Variants in KCNN2 observed in about 807,000 individuals in gnomAD.
The protein encoded by KCNN2 is potassium calcium-activated channel subfamily N member 2, also known as small conductance calcium-activated potassium channel protein 2.
KCNN2 carries 24 observed loss-of-function variants against 55.5 expected under a neutral mutation model. That is an observed-to-expected ratio of 0.43 (90% CI 0.31 to 0.61). The LOEUF (loss-of-function observed/expected upper bound fraction) is 0.61, where lower values mean the gene tolerates loss of function less well. KCNN2 is among the 20% of genes least tolerant of loss of function. The pLI, the probability that KCNN2 is intolerant of heterozygous loss-of-function variation, is 0.08. For missense variants in KCNN2, 754 were observed against 853.6 expected (o/e 0.88, Z 1.45); for synonymous variants, 431 against 336.1 (o/e 1.28, Z -3.09).
At chr5:114,490,557 A>G (rs1408895587) in intron 6 of KCNN2, 6 of 394,796 alleles carry the variant, frequency 1.5e-5, no homozygotes, top group South Asian at 1.4e-4. Flanking sequence ...CTGCAGAACC[A>G]TAACAGGATC....
intron 2 of KCNN2, among the ~76,000 whole-genome samples, chr5:114,243,844 C>T (rs1754693850): frequency 6.6e-6 from 1 of 152,174 alleles, no homozygotes; most frequent in African/African-American, 2.4e-5. Context: ...AAGCAGGTTT[C>T]ACTTTGGGTA....
At chr5:114,318,123 T>C (rs1346854597) in intron 2 of KCNN2, among the ~76,000 whole-genome samples, 1 of 152,236 alleles carries the variant, frequency 6.6e-6, no homozygotes, top group East Asian at 1.9e-4. Flanking sequence ...ACTCATCTCC[T>C]GTCTGCTCTT....
At chr5:114,488,391 T>C (rs4705670) in intron 6 of KCNN2, among the ~76,000 whole-genome samples, 134,519 of 152,110 alleles carry the variant, frequency 0.88, 60,458 homozygotes, top group East Asian at 0.96. Flanking sequence ...ACTTGACACA[T>C]CACTATGCTT....
intron 2 of KCNN2, among the ~76,000 whole-genome samples, chr5:114,332,993 C>T (rs1008820667): frequency 6.6e-6 from 1 of 152,168 alleles, no homozygotes; most frequent in Non-Finnish European, 1.5e-5. Flanking sequence ...AATACCTGGT[C>T]TCGCCTCACA....
At chr5:114,075,374 C>T (rs867775866) in intron 1 of KCNN2, among the ~76,000 whole-genome samples, 5 of 152,092 alleles carry the variant, frequency 3.3e-5, no homozygotes, top group South Asian at 2.1e-4. Flanking sequence ...GGAAGGAATC[C>T]GAAAGGTTAA....
At chr5:114,274,321 C>T (rs1012638500) in intron 2 of KCNN2, among the ~76,000 whole-genome samples, 2 of 131,786 alleles carry the variant, frequency 1.5e-5, no homozygotes, top group Non-Finnish European at 3.2e-5. Context: ...GCTATGTGGA[C>T]TCTTTCTGGC....
At chr5:114,187,477 A>AT (rs1369468583) in intron 1 of KCNN2, among the ~76,000 whole-genome samples, 1 of 148,700 alleles carries the variant, frequency 6.7e-6, no homozygotes, top group African/African-American at 2.5e-5. Context: ...TCCAAGGGCT[A>AT]TTAATATGTA....
chr5:114,306,220 C>T (rs960761152), intron 2 of KCNN2, among the ~76,000 whole-genome samples: 2 of 152,152 alleles, frequency 1.3e-5, no homozygotes, highest in African/African-American at 4.8e-5. Flanking sequence ...TAGCATTCAC[C>T]AGATCTGCCT....
chr5:114,408,186 C>T (rs1347916541), intron 3 of KCNN2, among the ~76,000 whole-genome samples: 3 of 150,424 alleles, frequency 2.0e-5, no homozygotes, highest in Non-Finnish European at 2.9e-5. Flanking sequence ...GGCCACCTGT[C>T]GACTGGCTTT....
At chr5:114,389,007 G>T (rs1758368224) in intron 2 of KCNN2, among the ~76,000 whole-genome samples, 1 of 151,978 alleles carries the variant, frequency 6.6e-6, no homozygotes, top group African/African-American at 2.4e-5. Context: ...TGGTAATTGA[G>T]GTGTGCAAGA....
intron 3 of KCNN2, among the ~76,000 whole-genome samples, chr5:114,432,849 G>C (rs529252455): frequency 7.5e-4 from 114 of 152,308 alleles, no homozygotes; most frequent in African/African-American, 2.6e-3. Context: ...TGGTTGTACT[G>C]GGTCCCCCAG....
chr5:114,208,860 C>G (rs1753823331), intron 1 of KCNN2, among the ~76,000 whole-genome samples: 1 of 152,150 alleles, frequency 6.6e-6, no homozygotes, highest in African/African-American at 2.4e-5. Context: ...CTTACATGAC[C>G]TCTCAACAAC....
In KCNN2 at chr5:114,363,053, G is replaced by A. The variant is rs755572408; in HGVS notation, c.914G>A (p.Gly305Asp). 6.2e-7 allele frequency: 1 copy of A among 1,607,244 alleles called. No homozygotes were observed. Among genetic ancestry groups the A allele is most frequent in the Non-Finnish European group, 8.5e-7 (1 of 1,178,540 alleles). ...GGCGGCGGAGGCAGCACTGGAGGAG[G>A]CGGCGGCGGTGGCGGGAGCGGGCAC... ...GTGGGGSTGG[G>D]GGGGGSGHGS... Residue 305 changes from glycine (G) to aspartate (D), a missense_variant, in exon 1 of 8, where the codon GGC becomes GAC. Physicochemically the swap from Gly to Asp is moderately conservative, Grantham distance 94. Coordinates refer to ENST00000673685, the MANE Select transcript of KCNN2 (RefSeq NM_021614.4).
intron 3 of KCNN2, among the ~76,000 whole-genome samples, chr5:114,429,678 C>T (rs868361842): frequency 2.0e-5 from 3 of 151,876 alleles, no homozygotes; most frequent in African/African-American, 7.3e-5. Flanking sequence ...TCTTGGCAAA[C>T]CCAAGTTTAC....
chr5:114,450,521 G>A (rs1181467295), intron 3 of KCNN2, among the ~76,000 whole-genome samples: 1 of 152,196 alleles, frequency 6.6e-6, no homozygotes, highest in African/African-American at 2.4e-5. Context: ...TCTGGATTTT[G>A]ATATTTTTTG....
chr5:114,139,899 AT>A lies in KCNN2; in HGVS notation c.-270-81572del, dbSNP rs796931557. Among the ~76,000 whole-genome samples, 13 of 151,422 alleles carry A rather than the reference AT, an allele frequency of 8.6e-5. No individual in the cohort carries two copies. The East Asian group carries it at 9.7e-4, about 11-fold the overall frequency. ...CATCTGCATACCTGGGTAAGACTGA[AT>A]TTTTTTTTCATAGACTTCAACCAAA... On this transcript the variant is annotated intron_variant, in intron 1 of 10. Transcript: ENST00000512097.
At chr5:114,279,930 T>G (rs1187412348) in intron 2 of KCNN2, among the ~76,000 whole-genome samples, 1 of 152,194 alleles carries the variant, frequency 6.6e-6, no homozygotes, top group African/African-American at 2.4e-5. Context: ...TGTAAAAGTG[T>G]TCCTATTTCT....
intron 2 of KCNN2, among the ~76,000 whole-genome samples, chr5:114,312,832 TG>T (rs1196233895): frequency 6.6e-6 from 1 of 152,128 alleles, no homozygotes; most frequent in Non-Finnish European, 1.5e-5. Flanking sequence ...GTTATTGCTA[TG>T]TAACATGGCT....
At chr5:114,230,295 T>A (rs1162577009) in intron 2 of KCNN2, among the ~76,000 whole-genome samples, 8 of 149,804 alleles carry the variant, frequency 5.3e-5, no homozygotes, top group Admixed American at 2.7e-4. Context: ...TTCTTTTTTT[T>A]ATTATACTTT....
Sources: gnomAD v4.1 joint callset for allele counts (sites outside exome capture counted in the v4.1 genomes callset) on GRCh38, gnomAD v4.1.1 for gene constraint, MANE v1.5 for transcripts, NCBI Gene and HGNC (gene_info 2026-07-23, HGNC 2026-07-21) for gene names.